Variants in DAG1 observed in about 807,000 individuals in gnomAD.
DAG1 encodes the protein dystroglycan 1 (dystrophin-associated glycoprotein 1).
DAG1 carries 8 observed loss-of-function variants against 46.1 expected under a neutral mutation model. That is an observed-to-expected ratio of 0.17 (90% CI 0.10 to 0.31). DAG1 has a LOEUF of 0.31. Ranked by LOEUF, DAG1 falls within the 10% of genes least tolerant of loss-of-function variation. DAG1 has a pLI of 1.00. For missense variants in DAG1, 1,003 were observed against 1,189.9 expected, an observed-to-expected ratio of 0.84 and a Z score of 2.31; for synonymous variants, 495 against 481.8, an observed-to-expected ratio of 1.03 and a Z score of -0.36.
intron 2 of DAG1, among the ~76,000 whole-genome samples, chr3:49,524,843 G>A (rs1253298274): frequency 6.6e-6 from 1 of 151,962 alleles, no homozygotes; most frequent in Non-Finnish European, 1.5e-5. Flanking sequence ...CAAAATACCC[G>A]GGCACGTGCC....
At chr3:49,516,613 T>C (rs1383083927) in intron 2 of DAG1, among the ~76,000 whole-genome samples, 2 of 152,256 alleles carry the variant, frequency 1.3e-5, no homozygotes, top group Admixed American at 6.5e-5. Flanking sequence ...ATCTTAATTA[T>C]TGTGGTGTTC....
At position 49,481,270 on chromosome 3, in the gene DAG1, G is replaced by A. The variant is rs1356737513; in HGVS notation, c.-117+10837G>A. Among the ~76,000 whole-genome samples the A allele has an allele frequency of 4.7e-5, 7 of 150,246 alleles. No individual in the cohort carries two copies. The East Asian group carries it at 9.9e-4, about 21-fold the overall frequency. ...AAATTAGCCGGGCGTAGTGTTAGGC[G>A]CCTGTAGTCCCAGCTACTCTGGAGG... On this transcript the variant is annotated intron_variant, in intron 1 of 2. Transcript: ENST00000308775.
At chr3:49,498,456 C>G (rs2050369281) in intron 1 of DAG1, among the ~76,000 whole-genome samples, 1 of 151,954 alleles carries the variant, frequency 6.6e-6, no homozygotes, top group African/African-American at 2.4e-5. Flanking sequence ...CCACTGTTTT[C>G]CACTGTGTTG....
At chr3:49,494,120 AAC>A (rs967685268) in intron 1 of DAG1, among the ~76,000 whole-genome samples, 5 of 152,164 alleles carry the variant, frequency 3.3e-5, no homozygotes, top group Non-Finnish European at 7.3e-5. Flanking sequence ...TTCTTTTATA[AAC>A]ACAGTGTGTT....
intron 1 of DAG1, among the ~76,000 whole-genome samples, chr3:49,504,423 C>T (rs1455772718): frequency 1.3e-5 from 2 of 151,968 alleles, no homozygotes; most frequent in Non-Finnish European, 2.9e-5. Flanking sequence ...TGGGTTGTAC[C>T]ATTTGTTGAA....
chr3:49,519,947 G>A (rs1227768482), intron 2 of DAG1, among the ~76,000 whole-genome samples: 2 of 152,230 alleles, frequency 1.3e-5, no homozygotes, highest in Admixed American at 6.5e-5. Context: ...CAGACCAGAA[G>A]GGCATTGACT....
intron 1 of DAG1, among the ~76,000 whole-genome samples, chr3:49,503,873 CAG>C (rs1485712669): frequency 2.0e-5 from 3 of 150,210 alleles, no homozygotes; most frequent in South Asian, 2.1e-4. Flanking sequence ...TTTTTTGAGA[CAG>C]AGTCTTACTG....
chr3:49,514,903 A>G (rs2107694101), intron 2 of DAG1, among the ~76,000 whole-genome samples: 1 of 151,986 alleles, frequency 6.6e-6, no homozygotes, highest in Admixed American at 6.6e-5. Flanking sequence ...TCTTTCGTCC[A>G]GGCTGGAATG....
At chr3:49,525,271 C>T (rs1289008079) in intron 2 of DAG1, among the ~76,000 whole-genome samples, 1 of 152,014 alleles carries the variant, frequency 6.6e-6, no homozygotes, top group Non-Finnish European at 1.5e-5. Context: ...ACTTCAGGAC[C>T]CTGGGGAGCC....
intron 2 of DAG1, among the ~76,000 whole-genome samples, chr3:49,513,657 CCTTGT>C (rs1325556365): frequency 6.6e-6 from 1 of 152,124 alleles, no homozygotes; most frequent in Non-Finnish European, 1.5e-5. Context: ...CTCAGAGTGA[CCTTGT>C]GGTCTCTGGG....
intron 1 of DAG1, among the ~76,000 whole-genome samples, chr3:49,490,582 T>A (rs974608145): frequency 6.6e-6 from 1 of 151,730 alleles, no homozygotes; most frequent in Non-Finnish European, 1.5e-5. Context: ...TTTATTTTTT[T>A]TTTTTGGGAC....
At chr3:49,498,414 T>C (rs1056612762) in intron 1 of DAG1, among the ~76,000 whole-genome samples, 1 of 152,132 alleles carries the variant, frequency 6.6e-6, no homozygotes, top group Admixed American at 6.6e-5. Context: ...TTTTTTTTAA[T>C]ATTTGGAGCT....
At chr3:49,510,850 A>G (rs1283566562) in intron 2 of DAG1, 31 bp downstream of exon 2, 1 of 1,612,872 alleles carries the variant, frequency 6.2e-7, no homozygotes, top group East Asian at 2.2e-5. Context: ...TAAATGAGGA[A>G]GAGTTCTCAT....
intron 1 of DAG1, among the ~76,000 whole-genome samples, chr3:49,482,840 T>C (rs1428410597): frequency 6.6e-6 from 1 of 152,132 alleles, no homozygotes; most frequent in East Asian, 1.9e-4. Flanking sequence ...GCCTTTTCAC[T>C]GTGCTGTGAA....
intron 1 of DAG1, among the ~76,000 whole-genome samples, chr3:49,472,827 C>T (rs1280530142): frequency 3.3e-5 from 5 of 151,532 alleles, no homozygotes; most frequent in African/African-American, 9.7e-5. Flanking sequence ...CAAAAAACAA[C>T]TTTATCTCCA....
intron 1 of DAG1, among the ~76,000 whole-genome samples, chr3:49,477,217 G>A (rs1471883791): frequency 6.6e-6 from 1 of 151,944 alleles, no homozygotes; most frequent in Admixed American, 6.6e-5. Context: ...GGCTGGTCTC[G>A]AACTCCCGAC....
chr3:49,471,660 T>C (rs2049521512), intron 1 of DAG1, among the ~76,000 whole-genome samples: 1 of 152,226 alleles, frequency 6.6e-6, no homozygotes, highest in African/African-American at 2.4e-5. Flanking sequence ...TAAAAGCTTG[T>C]GCTGACATGT....
At chr3:49,520,364 G>T (rs2107759125) in intron 2 of DAG1, among the ~76,000 whole-genome samples, 1 of 152,350 alleles carries the variant, frequency 6.6e-6, no homozygotes, top group East Asian at 1.9e-4. Context: ...CTGAGCAGAG[G>T]ACACACAGTC....
chr3:49,490,911 A>C (rs1190558648), intron 1 of DAG1, among the ~76,000 whole-genome samples: 1 of 101,844 alleles, frequency 9.8e-6, no homozygotes, highest in African/African-American at 4.0e-5. Flanking sequence ...TTTGAGACGG[A>C]GTCTCACTCT....
Sources: gnomAD v4.1 joint callset for allele counts (sites outside exome capture counted in the v4.1 genomes callset) on GRCh38, gnomAD v4.1.1 for gene constraint, MANE v1.5 for transcripts, NCBI Gene and HGNC (gene_info 2026-07-23, HGNC 2026-07-21) for gene names.